The following NEK6 variants were observed in gnomAD, a reference collection of about 807,000 sequenced individuals.
The protein encoded by NEK6 is NIMA related kinase 6, also known as serine/threonine-protein kinase Nek6.
Under a neutral mutation model 43.5 loss-of-function variants are expected in NEK6, and 27 were observed. That is an observed-to-expected ratio of 0.62 (90% CI 0.46 to 0.86). The LOEUF is 0.86. NEK6 is among the 40% of genes least tolerant of loss of function. The pLI is 0.00. For missense variants in NEK6, 318 were observed against 414.4 expected, an observed-to-expected ratio of 0.77 and a Z score of 2.02; for synonymous variants, 167 against 164.1, an observed-to-expected ratio of 1.02 and a Z score of -0.14.
intron 1 of NEK6, chr9:124,299,957 C>G (rs144518151): frequency 6.6e-6 from 1 of 152,310 alleles, no homozygotes; most frequent in Non-Finnish European, 1.5e-5. Flanking sequence ...ATACCATCCA[C>G]TTCCCTGCAG....
chr9:124,258,881 CCGGG>C (rs1379799365), intron 1 of NEK6, among the ~76,000 whole-genome samples: 1 of 152,270 alleles, frequency 6.6e-6, no homozygotes, highest in Non-Finnish European at 1.5e-5. Flanking sequence ...GGCCCCTCGG[CCGGG>C]CACCCGAGGA....
chr9:124,303,560 G>C (rs942826839), intron 2 of NEK6, among the ~76,000 whole-genome samples: 1 of 152,232 alleles, frequency 6.6e-6, no homozygotes, highest in Non-Finnish European at 1.5e-5. Context: ...GCGACACGTT[G>C]AGCTTAGTGG....
intron 1 of NEK6, among the ~76,000 whole-genome samples, chr9:124,280,089 TGG>T (rs1831827341): frequency 6.6e-6 from 1 of 152,242 alleles, no homozygotes; most frequent in Non-Finnish European, 1.5e-5. Flanking sequence ...CAGGGTCAGC[TGG>T]GGCCTCTCTC....
intron 3 of NEK6, 112 bp from the exon 4 acceptor site, chr9:124,313,811 C>G (rs1403102440): frequency 2.9e-6 from 3 of 1,025,024 alleles, no homozygotes; most frequent in Non-Finnish European, 4.4e-6. Context: ...GTCACAGAGT[C>G]CCTTGGTGAG....
At chr9:124,325,036 G>A (rs769068527) in intron 5 of NEK6, among the ~76,000 whole-genome samples, 14 of 152,286 alleles carry the variant, frequency 9.2e-5, no homozygotes, top group South Asian at 2.1e-4. Context: ...ATAGCTGGGC[G>A]TGGTGGCGCA....
chr9:124,279,300 C>CT (rs1165676719), intron 1 of NEK6, among the ~76,000 whole-genome samples: 1,891 of 138,156 alleles, frequency 0.014, 17 homozygotes, highest in African/African-American at 0.023. Flanking sequence ...TTTCTCTTCC[C>CT]TTTTTTTTTT....
At chr9:124,349,681 G>A (rs980481537) in intron 9 of NEK6, among the ~76,000 whole-genome samples, 1 of 152,122 alleles carries the variant, frequency 6.6e-6, no homozygotes, top group Non-Finnish European at 1.5e-5. Flanking sequence ...AAATTAGTTC[G>A]GGTCACAGAC....
At chr9:124,267,454 C>T (rs527696212) in intron 1 of NEK6, among the ~76,000 whole-genome samples, 7 of 152,322 alleles carry the variant, frequency 4.6e-5, no homozygotes, top group East Asian at 1.9e-4. Context: ...TCGTCTCCTC[C>T]GGGAATGTAG....
chr9:124,260,620 C>T (rs1564609291), intron 1 of NEK6, among the ~76,000 whole-genome samples: 1 of 152,122 alleles, frequency 6.6e-6, no homozygotes, highest in Non-Finnish European at 1.5e-5. Context: ...AGGCTGGTCT[C>T]GAACTCCTGA....
intron 2 of NEK6, among the ~76,000 whole-genome samples, chr9:124,304,848 ACTTG>A (rs1457863523): frequency 2.0e-5 from 3 of 152,192 alleles, no homozygotes; most frequent in Non-Finnish European, 4.4e-5. Flanking sequence ...AGCTGAACAT[ACTTG>A]CTTTTATAGA....
rs1564649608 is a variant in NEK6, at chr9:124,326,465, CGGAGCCACCT to C, written c.514+34_514+43del. 6.9e-7 allele frequency: 1 copy of C among 1,440,890 alleles called. No homozygotes were observed. The highest frequency in any genetic ancestry group is 1.9e-5 in the Admixed American group (1 of 51,452). 89.3% of individuals were successfully genotyped at this position (1,440,890 alleles called of 1,614,324 possible). On this transcript the variant is annotated intron_variant, in intron 6 of 9. Coordinates refer to ENST00000320246, the MANE Select transcript of NEK6 (RefSeq NM_014397.6). This position sits in a 1 kb window ranked among gnomAD's most constrained non-coding sequence, Gnocchi z 4.5. ...TACGTGCCACCCGCCAGGAGCCGCCCGGAGCCACCTGGAGCCCAGGAAGACACTTCCTCAT... is the reference window on the plus strand; with the variant it reads ...TACGTGCCACCCGCCAGGAGCCGCCCGGAGCCCAGGAAGACACTTCCTCAT...
intron 7 of NEK6, among the ~76,000 whole-genome samples, chr9:124,330,371 G>A (rs1439381614): frequency 1.3e-5 from 2 of 151,954 alleles, no homozygotes; most frequent in African/African-American, 4.8e-5. Flanking sequence ...CTACAAGCAA[G>A]TGTCTCGCTC....
At chr9:124,306,072 G>A (rs1833241366) in intron 2 of NEK6, among the ~76,000 whole-genome samples, 1 of 152,066 alleles carries the variant, frequency 6.6e-6, no homozygotes, top group Non-Finnish European at 1.5e-5. Flanking sequence ...AGGGAGGTGA[G>A]GAGGCCCCTT....
rs146425615 is a variant in NEK6, at chr9:124,331,092, G to A, written c.622+3647G>A. On this transcript the variant is annotated intron_variant, in intron 7 of 9. Coordinates refer to ENST00000320246, the MANE Select transcript of NEK6 (RefSeq NM_014397.6). ...AGCCTGGCCAATATGGTGAAACCTCGTCGCTACTAAAAATAGCAAAAAAAT... is the reference window on the plus strand; with the variant it reads ...AGCCTGGCCAATATGGTGAAACCTCATCGCTACTAAAAATAGCAAAAAAAT... Among the ~76,000 whole-genome samples the A allele has an allele frequency of 1.1e-4, 17 of 151,966 alleles. No homozygotes were observed. The East Asian group carries it at 2.9e-3, about 26-fold the overall frequency.
At chr9:124,307,147 G>A (rs1031914496) in intron 2 of NEK6, among the ~76,000 whole-genome samples, 8 of 151,066 alleles carry the variant, frequency 5.3e-5, no homozygotes, top group East Asian at 3.9e-4. Context: ...AAAAAGATTC[G>A]TCTATGGCTG....
intron 1 of NEK6, among the ~76,000 whole-genome samples, chr9:124,274,816 T>C (rs1831587932): frequency 6.6e-6 from 1 of 152,214 alleles, no homozygotes; most frequent in Non-Finnish European, 1.5e-5. Context: ...CCATTCTGCA[T>C]GTCCATTTGT....
chr9:124,260,531 G>T (rs1327099358), intron 1 of NEK6, among the ~76,000 whole-genome samples: 2 of 152,126 alleles, frequency 1.3e-5, no homozygotes, highest in Admixed American at 6.5e-5. Flanking sequence ...TGAGTAGCTG[G>T]GATTATAGGC....
chr9:124,279,253 C>G (rs1028005814), intron 1 of NEK6, among the ~76,000 whole-genome samples: 1 of 151,444 alleles, frequency 6.6e-6, no homozygotes, highest in Non-Finnish European at 1.5e-5. Context: ...AGATTGGGCC[C>G]GACACCAGCC....
At chr9:124,282,251 C>CTCCTTGT (rs1426647842) in intron 1 of NEK6, among the ~76,000 whole-genome samples, 13 of 152,332 alleles carry the variant, frequency 8.5e-5, no homozygotes, top group South Asian at 8.3e-4. Flanking sequence ...GCTAGCCACC[C>CTCCTTGT]TCCTTGTTCC....
Sources: gnomAD v4.1 joint callset for allele counts (sites outside exome capture counted in the v4.1 genomes callset) on GRCh38, gnomAD v4.1.1 for gene constraint, Gnocchi (gnomAD v3.1) non-coding constraint, MANE v1.5 for transcripts, NCBI Gene and HGNC (gene_info 2026-07-23, HGNC 2026-07-21) for gene names.